Variants in COBL observed in about 807,000 individuals in gnomAD.
COBL encodes the protein cordon-bleu WH2 repeat protein.
In COBL, 51 loss-of-function variants were observed where a neutral mutation model predicts 98.8. The observed-to-expected ratio is 0.52, with a 90% CI of 0.41 to 0.65. The LOEUF (loss-of-function observed/expected upper bound fraction) is 0.65, where lower values mean the gene tolerates loss of function less well. COBL is among the 30% of genes least tolerant of loss of function. The probability of loss-of-function intolerance (pLI) is 0.00; values close to 1 mark genes in which losing one functional copy is unlikely to be tolerated. For synonymous variants in COBL, 634 were observed against 651.7 expected (o/e 0.97, Z 0.41); for missense variants, 1,617 against 1,617.5 (o/e 1.00, Z 0.01).
chr7:51,187,020 C>T (rs951222125), intron 4 of COBL, among the ~76,000 whole-genome samples: 4 of 152,034 alleles, frequency 2.6e-5, no homozygotes, highest in African/African-American at 4.8e-5. Flanking sequence ...CTAATTTACA[C>T]GTAATTAAAT....
In COBL at chr7:51,303,048, T is replaced by C. The variant is rs146777296; in HGVS notation, c.41+13545A>G. ...CAGAAACAAGCTACTGTTTTATCAC[T>C]GCAATAGAAACCTGCACTTCACAAA... On this transcript the variant is annotated intron_variant, in intron 1 of 12. Coordinates refer to ENST00000265136, the MANE Select transcript of COBL (RefSeq NM_015198.5). Among the ~76,000 whole-genome samples, 7 of 152,302 alleles carry C rather than the reference T, an allele frequency of 4.6e-5. No individual in the cohort carries two copies. In the East Asian group the frequency reaches 1.3e-3, roughly 29 times the overall value.
At chr7:51,189,189 T>C (rs73120428) in intron 4 of COBL, among the ~76,000 whole-genome samples, 1 of 152,278 alleles carries the variant, frequency 6.6e-6, no homozygotes, top group Non-Finnish European at 1.5e-5. Context: ...AGTCCATGTA[T>C]CTTATACTCA....
At chr7:51,169,366 C>T (rs1787636857) in intron 5 of COBL, among the ~76,000 whole-genome samples, 1 of 152,116 alleles carries the variant, frequency 6.6e-6, no homozygotes, top group South Asian at 2.1e-4. Flanking sequence ...GCAAGCTGTA[C>T]CCCAACCCCC....
chr7:51,088,049 T>C (rs1485948372), intron 6 of COBL, among the ~76,000 whole-genome samples: 2 of 132,568 alleles, frequency 1.5e-5, no homozygotes, highest in African/African-American at 6.2e-5. Flanking sequence ...CTCAATCTTC[T>C]GCATAGTATC....
chr7:51,028,959 G>A lies in COBL; in HGVS notation c.2137C>T (p.Pro713Ser). Residue 713 changes from proline (P) to serine (S), a missense_variant, in exon 10 of 13, where the codon CCA becomes TCA. Pro to Ser is a moderately conservative substitution (Grantham distance 74). Around this residue, in one of 3 missense-constraint regions of COBL, gnomAD observed 1,304 missense variants for 1,282.0 expected, o/e 1.02. Coordinates refer to ENST00000265136, the MANE Select transcript of COBL (RefSeq NM_015198.5). ...TCGTAACATCGCATCTCTGACTTTGGAGGAATGATTTTATACGTTGTGAGG... is the reference window on the plus strand; with the variant it reads ...TCGTAACATCGCATCTCTGACTTTGAAGGAATGATTTTATACGTTGTGAGG... ...HGLTTYKIIP[P>S]KSEMRCYDRD... 1 of 1,614,182 alleles carries A rather than the reference G, an allele frequency of 6.2e-7. No homozygotes were observed. The highest frequency in any genetic ancestry group is 8.5e-7 in the Non-Finnish European group (1 of 1,180,034).
intron 6 of COBL, among the ~76,000 whole-genome samples, chr7:51,100,158 T>C (rs948755755): frequency 2.0e-5 from 3 of 152,242 alleles, no homozygotes; most frequent in Non-Finnish European, 4.4e-5. Flanking sequence ...TATTAACTAA[T>C]GGTGATTGTT....
chr7:51,280,026 G>A (rs1261377687), intron 1 of COBL, among the ~76,000 whole-genome samples: 1 of 152,002 alleles, frequency 6.6e-6, no homozygotes, highest in Non-Finnish European at 1.5e-5. Context: ...TCATTTAGAT[G>A]GAATAACACA....
intron 5 of COBL, among the ~76,000 whole-genome samples, chr7:51,155,616 A>G (rs1177348091): frequency 1.3e-5 from 2 of 150,284 alleles, no homozygotes; most frequent in Non-Finnish European, 3.0e-5. Context: ...AAAAAAAAAA[A>G]AAGAAGACTG....
intron 7 of COBL, among the ~76,000 whole-genome samples, chr7:51,068,356 C>T (rs939863410): frequency 2.6e-5 from 4 of 152,150 alleles, no homozygotes; most frequent in East Asian, 1.9e-4. Flanking sequence ...ATCAAATACT[C>T]GCTTTATCAT....
chr7:51,018,977 A>G (rs1425489964), intron 12 of COBL, among the ~76,000 whole-genome samples: 1 of 128,842 alleles, frequency 7.8e-6, no homozygotes, highest in Non-Finnish European at 1.6e-5. Context: ...ATTTTTTTTA[A>G]GCTCACCAGC....
chr7:51,065,969 C>G (rs942085831), intron 7 of COBL, among the ~76,000 whole-genome samples: 4 of 152,144 alleles, frequency 2.6e-5, no homozygotes, highest in African/African-American at 9.7e-5. Flanking sequence ...CAGGAGAAAC[C>G]AACCCTGCCG....
intron 5 of COBL, among the ~76,000 whole-genome samples, chr7:51,142,385 T>C (rs1799851771): frequency 1.7e-4 from 1 of 5,990 alleles, no homozygotes; most frequent in African/African-American, 4.6e-4. Context: ...GGTATTTGAT[T>C]TTTTTTTTTT....
intron 6 of COBL, among the ~76,000 whole-genome samples, chr7:51,120,915 C>G (rs766207356): frequency 6.6e-6 from 1 of 152,156 alleles, no homozygotes; most frequent in African/African-American, 2.4e-5. Context: ...ATCTATTCAT[C>G]CATCGATGGA....
intron 1 of COBL, among the ~76,000 whole-genome samples, chr7:51,303,154 T>G (rs947869884): frequency 3.3e-5 from 5 of 152,268 alleles, no homozygotes; most frequent in African/African-American, 9.6e-5. Flanking sequence ...TACTTTCAGA[T>G]TTATGCTTTT....
chr7:51,141,076 AG>A (rs1326422329), intron 5 of COBL, among the ~76,000 whole-genome samples: 1 of 152,048 alleles, frequency 6.6e-6, no homozygotes, highest in Non-Finnish European at 1.5e-5. Context: ...ATACACTTCC[AG>A]GGACAAACAG....
chr7:51,211,548 T>A lies in COBL; in HGVS notation c.245+8193A>T, dbSNP rs117775527. On this transcript the variant is annotated intron_variant, in intron 2 of 12. Transcript: ENST00000265136. ...TAATTTGCTCCCACCTTTTCTATTT[T>A]GGATTCTACATAGTAAGGCATTCGC... 4.3e-4 allele frequency among the ~76,000 whole-genome samples: 65 copies of A among 152,334 alleles called. No individual in the cohort carries two copies. The East Asian group carries it at 0.012, about 29-fold the overall frequency.
At chr7:51,257,982 G>T (rs556048504) in intron 1 of COBL, among the ~76,000 whole-genome samples, 5 of 152,240 alleles carry the variant, frequency 3.3e-5, no homozygotes, top group African/African-American at 9.6e-5. Context: ...TGTATTCGTT[G>T]TAACAAGGAA....
intron 7 of COBL, among the ~76,000 whole-genome samples, chr7:51,061,946 TAGATACACACAC>T (rs1202956294): frequency 1.0e-5 from 1 of 96,058 alleles, no homozygotes; most frequent in Non-Finnish European, 2.5e-5. Flanking sequence ...CTCCCCACCA[TAGATACACACAC>T]ACACACACAC....
chr7:51,027,639 T>C, intron 10 of COBL, 73 bp downstream of exon 10: 2 of 1,274,440 alleles, frequency 1.6e-6, no homozygotes, highest in Non-Finnish European at 1.1e-6. Flanking sequence ...CTCCGCTTTA[T>C]TCTGAGACTC....
Sources: gnomAD v4.1 joint callset for allele counts (sites outside exome capture counted in the v4.1 genomes callset) on GRCh38, gnomAD v4.1.1 for gene constraint, gnomAD v4.1.1 regional missense constraint, MANE v1.5 for transcripts, NCBI Gene and HGNC (gene_info 2026-07-23, HGNC 2026-07-21) for gene names.